Variants in SLCO3A1 observed in about 807,000 individuals in gnomAD.
SLCO3A1 encodes solute carrier organic anion transporter family member 3A1.
A neutral mutation model predicts 63.1 loss-of-function variants in SLCO3A1; 27 were observed. That is an observed-to-expected ratio of 0.43 (90% CI 0.32 to 0.59). The LOEUF is 0.59. Among genes scored for constraint, SLCO3A1 ranks in the 20% least tolerant of loss-of-function variants. The probability of loss-of-function intolerance (pLI) is 0.09; values close to 1 mark genes in which losing one functional copy is unlikely to be tolerated. For missense variants in SLCO3A1, 773 were observed against 945.8 expected (o/e 0.82, Z 2.40); for synonymous variants, 473 against 409.9 (o/e 1.15, Z -1.86).
At chr15:92,073,881 G>A (rs964979103) in intron 2 of SLCO3A1, among the ~76,000 whole-genome samples, 15 of 152,350 alleles carry the variant, frequency 9.8e-5, no homozygotes, top group African/African-American at 3.6e-4. Flanking sequence ...GAGAACCTAT[G>A]CTCGAGGTCA....
exon 11 of SLCO3A1, chr15:92,171,989 T>C: frequency 2.8e-6 from 2 of 712,470 alleles, no homozygotes; most frequent in Non-Finnish European, 4.9e-6. Flanking sequence ...ATCCAGCCAG[T>C]GTGTGGTCCT....
chr15:92,100,944 G>T (rs2677909), intron 3 of SLCO3A1, among the ~76,000 whole-genome samples: 40,897 of 152,044 alleles, frequency 0.27, 5,621 homozygotes, highest in South Asian at 0.34. Context: ...AGTGATATAT[G>T]TCCCCTTGCT....
chr15:92,133,767 A>G (rs1262961175), intron 7 of SLCO3A1, among the ~76,000 whole-genome samples: 1 of 112,666 alleles, frequency 8.9e-6, no homozygotes, highest in Non-Finnish European at 2.1e-5. Context: ...TGAATTGTAT[A>G]ATTACATTTC....
chr15:91,950,335 G>A lies in SLCO3A1; in HGVS notation c.646+33877G>A, dbSNP rs762861866. On this transcript the variant is annotated intron_variant, in intron 2 of 9. Coordinates refer to ENST00000318445, the MANE Select transcript of SLCO3A1 (RefSeq NM_013272.4). This position sits in a 1 kb window ranked among gnomAD's most constrained non-coding sequence, Gnocchi z 4.4. Reference sequence around the variant, plus strand: ...CAGTGGTGGGTGAAGACAGCCAGTCGTGTTGCACGTGGGACAGGGGCCCTG... The same window carrying A: ...CAGTGGTGGGTGAAGACAGCCAGTCATGTTGCACGTGGGACAGGGGCCCTG... Among the ~76,000 whole-genome samples, 55 of 152,186 alleles carry A rather than the reference G, an allele frequency of 3.6e-4. No homozygotes were observed. The highest frequency in any genetic ancestry group is 4.9e-4 in the Non-Finnish European group (33 of 68,026).
rs759055291 is a variant in SLCO3A1 at position 92,128,488 on chromosome 15, C to G, written c.1511C>G (p.Thr504Arg). ...LSACFAGCNS[T>R]NLTGCACLTT... is the part of the protein sequence containing the mutation. Reference sequence around the variant, plus strand: ...GCCTGCTTTGCTGGCTGCAACAGCACGGTAATGGGATGGGGCAGGGGATGG... The same window carrying G: ...GCCTGCTTTGCTGGCTGCAACAGCAGGGTAATGGGATGGGGCAGGGGATGG... The change falls in exon 7 of 10, where the codon ACG (threonine) becomes AGG (arginine). Residue 504 changes from threonine (T) to arginine (R), a missense_variant and splice_region_variant. By Grantham distance (71) the Thr-to-Arg change is moderately conservative. Around this residue, in one of 3 missense-constraint regions of SLCO3A1, gnomAD observed 565 missense variants for 749.8 expected, o/e 0.75. Transcript: ENST00000318445. The G allele has an allele frequency of 6.2e-7, 1 of 1,612,824 alleles. No homozygotes were observed. Among genetic ancestry groups the G allele is most frequent in the Non-Finnish European group, 8.5e-7 (1 of 1,179,424 alleles).
At chr15:92,081,566 C>A (rs1186327157) in intron 2 of SLCO3A1, among the ~76,000 whole-genome samples, 1 of 152,118 alleles carries the variant, frequency 6.6e-6, no homozygotes, top group Non-Finnish European at 1.5e-5. Flanking sequence ...AAGGTTTTCA[C>A]CATGTTGGCC....
intron 2 of SLCO3A1, among the ~76,000 whole-genome samples, chr15:92,015,869 T>C (rs1451198632): frequency 6.6e-6 from 1 of 151,992 alleles, no homozygotes; most frequent in Admixed American, 6.5e-5. Flanking sequence ...GAAGAACTGG[T>C]GAAGGCAGGA....
intron 1 of SLCO3A1, among the ~76,000 whole-genome samples, chr15:91,884,381 C>T (rs1897670010): frequency 6.6e-6 from 1 of 151,890 alleles, no homozygotes; most frequent in African/African-American, 2.4e-5. Context: ...ATGTGGTGGG[C>T]AGGCCTGTGT....
intron 2 of SLCO3A1, among the ~76,000 whole-genome samples, chr15:92,046,445 G>A (rs1007364250): frequency 1.3e-5 from 2 of 152,190 alleles, no homozygotes; most frequent in South Asian, 2.1e-4. Context: ...CAGGAGAATC[G>A]CTTGAACCCA....
intron 2 of SLCO3A1, among the ~76,000 whole-genome samples, chr15:91,960,010 G>A (rs1466156732): frequency 1.3e-5 from 2 of 151,930 alleles, no homozygotes; most frequent in African/African-American, 4.8e-5. Context: ...TTGAGATGGA[G>A]TCTCACTCTG....
chr15:92,141,131 G>A (rs1192108141), intron 7 of SLCO3A1, among the ~76,000 whole-genome samples: 1 of 152,156 alleles, frequency 6.6e-6, no homozygotes, highest in Non-Finnish European at 1.5e-5. Flanking sequence ...TTTATTGACA[G>A]TAAAGCTAGA....
chr15:91,932,312 A>T lies in SLCO3A1; in HGVS notation c.646+15854A>T, dbSNP rs983577396. On this transcript the variant is annotated intron_variant, in intron 2 of 9. Transcript: ENST00000318445. ...TAAAACATATTCAAAATTAAAAAGG[A>T]TGGTTGAATGAATCCCTGTGTGCCC... Among the ~76,000 whole-genome samples the T allele has an allele frequency of 3.3e-5, 5 of 152,188 alleles. No homozygotes were observed. The East Asian group carries it at 9.6e-4, about 29-fold the overall frequency.
intron 2 of SLCO3A1, among the ~76,000 whole-genome samples, chr15:91,969,135 A>G (rs1201499441): frequency 6.6e-6 from 1 of 152,232 alleles, no homozygotes; most frequent in Admixed American, 6.5e-5. Context: ...CAGCACATGT[A>G]CAGAAATATG....
In SLCO3A1 at chr15:92,162,741, T is replaced by G; in HGVS notation, c.1754-15T>G. On this transcript the variant is annotated splice_polypyrimidine_tract_variant and intron_variant, in intron 9 of 9. Transcript: ENST00000318445. Reference sequence around the variant, plus strand: ...CACCAGATCCAGAACCTTAACATTCTTTTCCCGGTAACAGGCTTCATCCCT... The same window carrying G: ...CACCAGATCCAGAACCTTAACATTCGTTTCCCGGTAACAGGCTTCATCCCT... The G allele has an allele frequency of 6.3e-7, 1 of 1,599,956 alleles. No homozygotes were observed. Among genetic ancestry groups the G allele is most frequent in the Middle Eastern group, 1.7e-4 (1 of 5,958 alleles).
At chr15:91,971,209 C>G (rs1328185484) in intron 2 of SLCO3A1, among the ~76,000 whole-genome samples, 1 of 151,768 alleles carries the variant, frequency 6.6e-6, no homozygotes, top group East Asian at 1.9e-4. Context: ...TCCTGGCTAA[C>G]ACAGTGAAAC....
chr15:91,960,821 T>A (rs1900417813), intron 2 of SLCO3A1, among the ~76,000 whole-genome samples: 1 of 152,220 alleles, frequency 6.6e-6, no homozygotes, highest in Non-Finnish European at 1.5e-5. Flanking sequence ...CACTTACAAG[T>A]TGAGCACCCC....
rs574556258 is a variant in SLCO3A1 at position 91,897,922 on chromosome 15, G to A, written c.181-18071G>A. On this transcript the variant is annotated intron_variant, in intron 1 of 9. Coordinates refer to ENST00000318445, the MANE Select transcript of SLCO3A1 (RefSeq NM_013272.4). The surrounding 1 kb of genome is among the most constrained non-coding windows in gnomAD (Gnocchi z 4.7). ...GCGAAGTTGAGAACAAGAAGGAATC[G>A]CTGCTCTACACACACGGGGTTTTTA... Among the ~76,000 whole-genome samples the A allele has an allele frequency of 4.6e-5, 7 of 152,002 alleles. No homozygotes were observed. Among genetic ancestry groups the A allele is most frequent in the South Asian group, 2.1e-4 (1 of 4,800 alleles).
At chr15:91,970,063 C>T (rs1245565870) in intron 2 of SLCO3A1, among the ~76,000 whole-genome samples, 1 of 152,048 alleles carries the variant, frequency 6.6e-6, no homozygotes, top group African/African-American at 2.4e-5. Flanking sequence ...TTCTGCTCAC[C>T]CAGAAAAACA....
rs34759500 is a variant in SLCO3A1, at chr15:91,959,723, CAAAA to C, written c.646+43282_646+43285del. On this transcript the variant is annotated intron_variant, in intron 2 of 9. Transcript: ENST00000318445. Reference sequence around the variant, plus strand: ...TGGGCAACAGAGTGAGACTCCATCTCAAAAAAAAAAAAAAAAAAAAGAAAAGTAT... The same window carrying C: ...TGGGCAACAGAGTGAGACTCCATCTCAAAAAAAAAAAAAAAAGAAAAGTAT... 1.0e-2 allele frequency among the ~76,000 whole-genome samples: 719 copies of C among 71,998 alleles called. 7 individuals carry two copies. The highest frequency in any genetic ancestry group is 0.037 in the African/African-American group (679 of 18,430). The allele number at this position is 71,998 out of a possible 152,430, so 47.2% of individuals were successfully genotyped here.
Sources: allele counts gnomAD v4.1 joint callset (sites outside exome capture counted in the v4.1 genomes callset), GRCh38; gene constraint gnomAD v4.1.1; regional missense constraint gnomAD v4.1.1; non-coding constraint Gnocchi (gnomAD v3.1); transcripts MANE v1.5; gene names NCBI Gene and HGNC (gene_info 2026-07-23, HGNC 2026-07-21).